CNTNAP2: variants seen among roughly 807,000 people sequenced by gnomAD.
CNTNAP2 encodes the protein contactin associated protein 2, also known as contactin-associated protein-like 2.
A neutral mutation model predicts 155.2 loss-of-function variants in CNTNAP2; 98 were observed. That is an observed-to-expected ratio of 0.63 (90% CI 0.54 to 0.75). The LOEUF (loss-of-function observed/expected upper bound fraction) is 0.75. Ranked by LOEUF, CNTNAP2 falls within the 30% of genes least tolerant of loss-of-function variation. The pLI is 0.00. For synonymous variants in CNTNAP2, 651 were observed against 631.2 expected, an observed-to-expected ratio of 1.03 and a Z score of -0.47; for missense variants, 1,727 against 1,688.1, an observed-to-expected ratio of 1.02 and a Z score of -0.40.
chr7:146,903,036 C>T (rs776563946), intron 3 of CNTNAP2, among the ~76,000 whole-genome samples: 10 of 152,268 alleles, frequency 6.6e-5, no homozygotes, highest in Admixed American at 1.3e-4. Flanking sequence ...ACATATCTAC[C>T]GATATTGGGA....
At chr7:147,485,148 C>A (rs1234652250) in intron 10 of CNTNAP2, among the ~76,000 whole-genome samples, 3 of 152,170 alleles carry the variant, frequency 2.0e-5, no homozygotes, top group Non-Finnish European at 4.4e-5. Flanking sequence ...TTTCAGAAAT[C>A]TAAAGCTTCC....
chr7:148,399,489 T>TA (rs776569722), intron 22 of CNTNAP2, among the ~76,000 whole-genome samples: 1 of 152,294 alleles, frequency 6.6e-6, no homozygotes, highest in Middle Eastern at 3.4e-3. Context: ...ATCAAGAACC[T>TA]AAATGCCAAC....
chr7:147,712,833 T>C (rs542781815), intron 13 of CNTNAP2, among the ~76,000 whole-genome samples: 28 of 152,296 alleles, frequency 1.8e-4, no homozygotes, highest in African/African-American at 5.1e-4. Context: ...ACATGGCACA[T>C]GTATACATAT....
chr7:147,317,911 T>G (rs1433145071), intron 9 of CNTNAP2, among the ~76,000 whole-genome samples: 1 of 152,082 alleles, frequency 6.6e-6, no homozygotes, highest in Non-Finnish European at 1.5e-5. Context: ...TTCTACGGTT[T>G]GTCTCTTTCT....
chr7:147,221,107 C>T (rs1376629675), intron 8 of CNTNAP2, among the ~76,000 whole-genome samples: 1 of 151,138 alleles, frequency 6.6e-6, no homozygotes, highest in African/African-American at 2.4e-5. Flanking sequence ...AACAATATAC[C>T]ACTTCATGGG....
At chr7:146,762,876 A>G (rs1802127632) in intron 1 of CNTNAP2, among the ~76,000 whole-genome samples, 1 of 152,180 alleles carries the variant, frequency 6.6e-6, no homozygotes, top group Non-Finnish European at 1.5e-5. Flanking sequence ...AGAACAGCAC[A>G]GGAAAGACCT....
intron 10 of CNTNAP2, among the ~76,000 whole-genome samples, chr7:147,428,076 T>A (rs987469471): frequency 6.6e-6 from 1 of 152,144 alleles, no homozygotes; most frequent in Non-Finnish European, 1.5e-5. Flanking sequence ...AATGTAGATT[T>A]AGTTGGCTCA....
chr7:146,679,835 G>A (rs1284261628), intron 1 of CNTNAP2, among the ~76,000 whole-genome samples: 1 of 151,958 alleles, frequency 6.6e-6, no homozygotes, highest in Non-Finnish European at 1.5e-5. Context: ...GACTTTTACA[G>A]TTTAAATCTT....
At chr7:146,395,909 C>G (rs1181477240) in intron 1 of CNTNAP2, among the ~76,000 whole-genome samples, 1 of 151,674 alleles carries the variant, frequency 6.6e-6, no homozygotes, top group African/African-American at 2.4e-5. Context: ...AAATGAGTAT[C>G]TCAGAAAGGC....
At chr7:146,506,147 G>A (rs924637233) in intron 1 of CNTNAP2, among the ~76,000 whole-genome samples, 1 of 152,140 alleles carries the variant, frequency 6.6e-6, no homozygotes, top group African/African-American at 2.4e-5. Context: ...TGAATTGTAT[G>A]TTGTTGGTTG....
intron 2 of CNTNAP2, among the ~76,000 whole-genome samples, chr7:146,828,941 A>G (rs1803459255): frequency 6.6e-6 from 1 of 152,004 alleles, no homozygotes; most frequent in Non-Finnish European, 1.5e-5. Context: ...AACTTAATCA[A>G]ATTTGGATTT....
intron 18 of CNTNAP2, among the ~76,000 whole-genome samples, chr7:148,186,439 T>C (rs1181911716): frequency 3.3e-5 from 5 of 152,192 alleles, no homozygotes; most frequent in Admixed American, 3.3e-4. Context: ...TAGTGTTTTT[T>C]CCACCATATA....
intron 3 of CNTNAP2, among the ~76,000 whole-genome samples, chr7:147,013,192 T>A (rs1192917514): frequency 6.6e-6 from 1 of 152,120 alleles, no homozygotes; most frequent in African/African-American, 2.4e-5. Context: ...TTGAATAGAT[T>A]CAAATAGATC....
chr7:148,025,195 C>T (rs796974312), intron 15 of CNTNAP2, among the ~76,000 whole-genome samples: 11 of 152,324 alleles, frequency 7.2e-5, no homozygotes, highest in African/African-American at 2.4e-4. Context: ...CCAACTGCTC[C>T]TTTAGATAAT....
chr7:147,631,634 A>G (rs2116910964), intron 12 of CNTNAP2, among the ~76,000 whole-genome samples: 1 of 152,238 alleles, frequency 6.6e-6, no homozygotes, highest in South Asian at 2.1e-4. Context: ...AAAATAGGCA[A>G]GTAGACCAAT....
At chr7:147,685,225 C>T (rs767180478) in intron 13 of CNTNAP2, among the ~76,000 whole-genome samples, 8 of 151,924 alleles carry the variant, frequency 5.3e-5, no homozygotes, top group East Asian at 1.9e-4. Context: ...CGTATAGAGA[C>T]GTTTGTTTTC....
At chr7:147,307,978 C>T (rs968029263) in intron 9 of CNTNAP2, among the ~76,000 whole-genome samples, 3 of 152,080 alleles carry the variant, frequency 2.0e-5, no homozygotes, top group Non-Finnish European at 4.4e-5. Context: ...GATAGTAAAC[C>T]AATAACATTG....
At chr7:147,931,994 T>A (rs946742863) in intron 14 of CNTNAP2, among the ~76,000 whole-genome samples, 1 of 152,128 alleles carries the variant, frequency 6.6e-6, no homozygotes, top group African/African-American at 2.4e-5. Flanking sequence ...CAGGCGATCC[T>A]CCTGCCTCAG....
At chr7:146,867,909 A>G (rs981687534) in intron 3 of CNTNAP2, among the ~76,000 whole-genome samples, 1 of 151,254 alleles carries the variant, frequency 6.6e-6, no homozygotes, top group Non-Finnish European at 1.5e-5. Context: ...TCTTATAGAT[A>G]CTGGGTATTA....
Sources: gnomAD v4.1 joint callset for allele counts (sites outside exome capture counted in the v4.1 genomes callset) on GRCh38, gnomAD v4.1.1 for gene constraint, MANE v1.5 for transcripts, NCBI Gene and HGNC (gene_info 2026-07-23, HGNC 2026-07-21) for gene names.